The following ANO10 variants were observed in gnomAD, a reference collection of about 807,000 sequenced individuals.
ANO10 encodes the protein anoctamin-10.
ANO10 carries 77 observed loss-of-function variants against 74.7 expected under a neutral mutation model. The ratio of observed to expected loss-of-function variants is 1.03; its 90% CI spans 0.86 to 1.25. ANO10 has a LOEUF of 1.25. Among genes scored for constraint, ANO10 ranks in the 50% most tolerant of loss-of-function variants. The pLI, the probability that ANO10 is intolerant of heterozygous loss-of-function variation, is 0.00. For missense variants in ANO10, 721 were observed against 778.1 expected, an observed-to-expected ratio of 0.93 and a Z score of 0.87; for synonymous variants, 279 against 284.9, an observed-to-expected ratio of 0.98 and a Z score of 0.21.
chr3:43,432,071 C>G (rs752826867), intron 12 of ANO10, among the ~76,000 whole-genome samples: 1 of 151,382 alleles, frequency 6.6e-6, no homozygotes, highest in Non-Finnish European at 1.5e-5. Context: ...TCTACTCCCA[C>G]TCTCCTACAA....
At position 43,627,813 on chromosome 3, in the gene ANO10, T is replaced by TAC. The variant is rs2083506191; in HGVS notation, c.-11-21951_-11-21950insGT. Among the ~76,000 whole-genome samples, 3 of 152,108 alleles carry TAC rather than the reference T, an allele frequency of 2.0e-5. No individual in the cohort carries two copies. The South Asian group carries it at 6.2e-4, about 32-fold the overall frequency. On this transcript the variant is annotated intron_variant, in intron 1 of 3. Coordinates refer to the ANO10 transcript ENST00000413397. ...TCTGATTAGTTGCTGCACATATATATATATATCATTAATTTTGGTATATTA... is the reference window on the plus strand; with the variant it reads ...TCTGATTAGTTGCTGCACATATATATACATATATCATTAATTTTGGTATATTA...
chr3:43,575,970 C>G (rs2080975259), intron 6 of ANO10, among the ~76,000 whole-genome samples: 1 of 152,138 alleles, frequency 6.6e-6, no homozygotes, highest in Admixed American at 6.5e-5. Flanking sequence ...AAAGTTAAGG[C>G]TTTGACTTCT....
intron 11 of ANO10, among the ~76,000 whole-genome samples, chr3:43,438,074 T>A (rs781123022): frequency 2.2e-4 from 34 of 152,018 alleles, no homozygotes; most frequent in Non-Finnish European, 4.7e-4. Context: ...AGAGAATATA[T>A]CAGCAATCAA....
chr3:43,443,679 CTTTTTTTTT>C (rs59685910), intron 11 of ANO10, among the ~76,000 whole-genome samples: 8 of 122,034 alleles, frequency 6.6e-5, no homozygotes, highest in African/African-American at 1.3e-4. Flanking sequence ...TTCCTTCCTT[CTTTTTTTTT>C]TTTTTTTTTT....
At chr3:43,687,937 T>C (rs934655396) in intron 1 of ANO10, among the ~76,000 whole-genome samples, 2 of 152,054 alleles carry the variant, frequency 1.3e-5, no homozygotes, top group African/African-American at 2.4e-5. Context: ...GATAGAGTTG[T>C]AGGGTTCCAC....
chr3:43,428,913 A>G lies in ANO10; in HGVS notation c.1914+3698T>C, dbSNP rs370794707. On this transcript the variant is annotated intron_variant, in intron 12 of 12. Coordinates refer to ENST00000292246, the MANE Select transcript of ANO10 (RefSeq NM_018075.5). ...TCAAAAATCTGAAAAAAAAAATCCA[A>G]AATCTAAAACACTTCTGGTCCTAAG... Among the ~76,000 whole-genome samples the G allele has an allele frequency of 7.8e-4, 118 of 152,248 alleles. 1 individual carries two copies. In the South Asian group the frequency reaches 0.023, roughly 30 times the overall value.
intron 1 of ANO10, among the ~76,000 whole-genome samples, chr3:43,630,850 CT>C (rs2083538576): frequency 6.6e-6 from 1 of 152,232 alleles, no homozygotes; most frequent in Non-Finnish European, 1.5e-5. Flanking sequence ...CTTTCATGGA[CT>C]GCTTCCAGTT....
chr3:43,633,772 C>T (rs892311937), intron 1 of ANO10, among the ~76,000 whole-genome samples: 1 of 152,004 alleles, frequency 6.6e-6, no homozygotes, highest in Admixed American at 6.6e-5. Flanking sequence ...CATTATTACT[C>T]GTTGTGTAGC....
chr3:43,601,154 T>C (rs960221200), intron 2 of ANO10, among the ~76,000 whole-genome samples: 3 of 152,302 alleles, frequency 2.0e-5, no homozygotes, highest in Non-Finnish European at 4.4e-5. Flanking sequence ...ATAATGTACA[T>C]ATAATTATTA....
Position 43,552,726 on chromosome 3 carries a change from ATATGTATGTATG to A in ANO10, c.1668+2540_1668+2551del, listed in dbSNP as rs1182501393. 1.8e-3 allele frequency among the ~76,000 whole-genome samples: 170 copies of A among 95,544 alleles called. 1 individual carries two copies. The highest frequency in any genetic ancestry group is 5.3e-3 in the Middle Eastern group (1 of 190). The allele number at this position is 95,544 out of a possible 152,430, so 62.7% of individuals were successfully genotyped here. On this transcript the variant is annotated intron_variant, in intron 10 of 12. Coordinates refer to ENST00000292246, the MANE Select transcript of ANO10 (RefSeq NM_018075.5). ...TATATATATATATATATATATATAT[ATATGTATGTATG>A]TATGTATGTATGTATGTATGTATGT...
At chr3:43,548,958 G>A (rs2079325298) in intron 11 of ANO10, among the ~76,000 whole-genome samples, 1 of 152,142 alleles carries the variant, frequency 6.6e-6, no homozygotes, top group Non-Finnish European at 1.5e-5. Flanking sequence ...GTTTGAGAGT[G>A]TTTCACAATG....
At chr3:43,445,670 T>C (rs1262859706) in intron 11 of ANO10, among the ~76,000 whole-genome samples, 1 of 152,064 alleles carries the variant, frequency 6.6e-6, no homozygotes, top group African/African-American at 2.4e-5. Context: ...ATTAGAAATA[T>C]CATTGCCTAC....
intron 11 of ANO10, among the ~76,000 whole-genome samples, chr3:43,438,108 A>C (rs1285764961): frequency 6.6e-6 from 1 of 152,142 alleles, no homozygotes; most frequent in Middle Eastern, 3.2e-3. Context: ...AAAAGAACCC[A>C]ACAGAAATTC....
intron 11 of ANO10, among the ~76,000 whole-genome samples, chr3:43,453,720 C>A (rs2074991519): frequency 6.6e-6 from 1 of 152,176 alleles, no homozygotes; most frequent in Non-Finnish European, 1.5e-5. Context: ...AAAGATTATT[C>A]TTTCCTCATT....
chr3:43,675,233 G>C (rs2084108255), intron 1 of ANO10, among the ~76,000 whole-genome samples: 1 of 152,038 alleles, frequency 6.6e-6, no homozygotes, highest in Admixed American at 6.6e-5. Flanking sequence ...TTAACTCAAA[G>C]TAGATCATGG....
At position 43,489,090 on chromosome 3, in the gene ANO10, T is replaced by TTTGG. The variant is rs1159159191; in HGVS notation, c.1798-56364_1798-56363insCCAA. ...CAAGAACAAAAAACCAAACACCGCATATTCTCACGCATAGGTGGGAATTGA... is the reference window on the plus strand; with the variant it reads ...CAAGAACAAAAAACCAAACACCGCATTTGGATTCTCACGCATAGGTGGGAATTGA... On this transcript the variant is annotated intron_variant, in intron 11 of 12. Transcript: ENST00000292246. 2.7e-5 allele frequency among the ~76,000 whole-genome samples: 4 copies of TTTGG among 148,864 alleles called. No homozygotes were observed. In the Admixed American group the frequency reaches 2.7e-4, roughly 10 times the overall value.
intron 1 of ANO10, among the ~76,000 whole-genome samples, chr3:43,627,718 T>C (rs2083505460): frequency 6.6e-6 from 1 of 152,234 alleles, no homozygotes; most frequent in African/African-American, 2.4e-5. Flanking sequence ...GCTCGTTTCT[T>C]ATAGAGTTTA....
chr3:43,586,315 CAA>C (rs2081478850), intron 4 of ANO10, among the ~76,000 whole-genome samples: 1 of 151,758 alleles, frequency 6.6e-6, no homozygotes, highest in Non-Finnish European at 1.5e-5. Flanking sequence ...CTTGGTGGGC[CAA>C]AGACAGGCCT....
At chr3:43,399,020 G>A (rs933217603) in intron 12 of ANO10, among the ~76,000 whole-genome samples, 18 of 152,144 alleles carry the variant, frequency 1.2e-4, no homozygotes, top group African/African-American at 4.3e-4. Context: ...TAGAGATGGG[G>A]TTTCGCCATG....
Sources: gnomAD v4.1 joint callset for allele counts (sites outside exome capture counted in the v4.1 genomes callset) on GRCh38, gnomAD v4.1.1 for gene constraint, MANE v1.5 for transcripts, NCBI Gene and HGNC (gene_info 2026-07-23, HGNC 2026-07-21) for gene names.